The following XKR9 variants were observed in gnomAD, a reference collection of about 807,000 sequenced individuals.
XKR9 encodes the protein XK-related protein 9.
In XKR9, 32 loss-of-function variants were observed where a neutral mutation model predicts 32.0. The ratio of observed to expected loss-of-function variants is 1.00; its 90% confidence interval spans 0.76 to 1.34. The LOEUF is 1.34. XKR9 is among the 40% of genes most tolerant of loss of function. XKR9 has a pLI of 0.00. For synonymous variants in XKR9, 168 were observed against 143.4 expected, an observed-to-expected ratio of 1.17 and a Z score of -1.22; for missense variants, 546 against 429.7, an observed-to-expected ratio of 1.27 and a Z score of -2.39.
At chr8:70,784,018 A>C (rs1261566659) in intron 2 of XKR9, among the ~76,000 whole-genome samples, 1 of 152,110 alleles carries the variant, frequency 6.6e-6, no homozygotes, top group Non-Finnish European at 1.5e-5. Context: ...CCATATATAC[A>C]TGAGTTTATT....
the XKR9 span, among the ~76,000 whole-genome samples, chr8:70,955,871 C>T: frequency 6.6e-6 from 1 of 152,360 alleles, no homozygotes; most frequent in African/African-American, 2.4e-5. Context: ...CAGGCACCAG[C>T]TCCATGCAAA....
At chr8:70,761,590 G>A (rs1398605691) in intron 2 of XKR9, among the ~76,000 whole-genome samples, 2 of 151,824 alleles carry the variant, frequency 1.3e-5, no homozygotes, top group Non-Finnish European at 2.9e-5. Context: ...TATAGATGCT[G>A]GATATTAGAC....
chr8:70,880,922 T>G, the XKR9 span, among the ~76,000 whole-genome samples: 3 of 152,072 alleles, frequency 2.0e-5, no homozygotes, highest in African/African-American at 7.2e-5. Flanking sequence ...CCAAAACAGA[T>G]ATATTTTCAA....
the XKR9 span, among the ~76,000 whole-genome samples, chr8:70,979,245 G>A: frequency 8.5e-5 from 13 of 152,128 alleles, no homozygotes; most frequent in Admixed American, 2.0e-4. Flanking sequence ...CTGTCAACTC[G>A]TCAAAATCAT....
At chr8:70,812,336 G>T in the XKR9 span, among the ~76,000 whole-genome samples, 4 of 152,250 alleles carry the variant, frequency 2.6e-5, no homozygotes, top group South Asian at 2.1e-4. Context: ...GCCAATATCA[G>T]ACTGAATGGG....
chr8:71,017,067 T>C, the XKR9 span, among the ~76,000 whole-genome samples: 1 of 152,194 alleles, frequency 6.6e-6, no homozygotes, highest in African/African-American at 2.4e-5. Context: ...TTTGTTAGAA[T>C]AGCTCAACTC....
the XKR9 span, among the ~76,000 whole-genome samples, chr8:71,018,511 G>A: frequency 5.3e-5 from 8 of 152,314 alleles, no homozygotes; most frequent in East Asian, 1.5e-3. Context: ...GAAAAGTGGA[G>A]TAACCCAGGT....
chr8:70,717,801 C>CT (rs767625274), intron 4 of XKR9, among the ~76,000 whole-genome samples: 15 of 152,060 alleles, frequency 9.9e-5, no homozygotes, highest in Non-Finnish European at 2.1e-4. Flanking sequence ...ATGAATTTTT[C>CT]TTTTTTTACA....
intron 2 of XKR9, among the ~76,000 whole-genome samples, chr8:70,769,482 C>G (rs1369596066): frequency 1.3e-5 from 2 of 151,974 alleles, no homozygotes; most frequent in Non-Finnish European, 2.9e-5. Flanking sequence ...GAATGTTGGC[C>G]TGGCTTGCTA....
the XKR9 span, among the ~76,000 whole-genome samples, chr8:71,041,076 C>G: frequency 0.067 from 10,126 of 152,158 alleles, 473 homozygotes; most frequent in Non-Finnish European, 0.094. Flanking sequence ...ATGACTTGCT[C>G]ACATGGTGGT....
the XKR9 span, among the ~76,000 whole-genome samples, chr8:70,847,049 A>T: frequency 6.6e-6 from 1 of 152,060 alleles, no homozygotes; most frequent in African/African-American, 2.4e-5. Flanking sequence ...CATTCTTCTC[A>T]TCAACACATA....
chr8:71,034,887 A>G, the XKR9 span, among the ~76,000 whole-genome samples: 2 of 152,186 alleles, frequency 1.3e-5, no homozygotes, highest in African/African-American at 4.8e-5. Flanking sequence ...TGGAATATCT[A>G]TCTTTCCAAC....
intron 2 of XKR9, among the ~76,000 whole-genome samples, chr8:70,759,638 A>G (rs1000029795): frequency 7.2e-5 from 11 of 152,192 alleles, no homozygotes; most frequent in African/African-American, 2.6e-4. Context: ...TGTTTTGACT[A>G]TTGTCATTGT....
chr8:70,899,938 C>T, the XKR9 span, among the ~76,000 whole-genome samples: 7 of 152,018 alleles, frequency 4.6e-5, 1 homozygote, highest in Admixed American at 2.0e-4. Flanking sequence ...GCATTTCTAG[C>T]TACAGAATAA....
the XKR9 span, among the ~76,000 whole-genome samples, chr8:70,952,107 A>G: frequency 1.7e-5 from 1 of 59,198 alleles, no homozygotes; most frequent in Non-Finnish European, 6.3e-5. Flanking sequence ...TTATAAAATG[A>G]AAAAAAAAGG....
the XKR9 span, among the ~76,000 whole-genome samples, chr8:71,024,588 T>C: frequency 6.6e-6 from 1 of 152,166 alleles, no homozygotes; most frequent in Non-Finnish European, 1.5e-5. Context: ...TCTGAAGCAA[T>C]ACCATTATGC....
At chr8:70,790,982 C>T (rs1807756615), downstream of XKR9, among the ~76,000 whole-genome samples, 1 of 152,018 alleles carries the variant, frequency 6.6e-6, no homozygotes, top group African/African-American at 2.4e-5. Context: ...GCACTAATCC[C>T]ATTCACGTGG....
chr8:70,700,974 G>C (rs192772858), intron 3 of XKR9, among the ~76,000 whole-genome samples: 1 of 152,190 alleles, frequency 6.6e-6, no homozygotes, highest in African/African-American at 2.4e-5. Context: ...TCCGTGGGGC[G>C]TAGGACCCTC....
At chr8:71,013,826 A>C in the XKR9 span, among the ~76,000 whole-genome samples, 3 of 152,262 alleles carry the variant, frequency 2.0e-5, no homozygotes, top group Admixed American at 1.3e-4. Context: ...TGTGCTCTCC[A>C]AACCCAGTCA....
Sources: allele counts gnomAD v4.1 joint callset (sites outside exome capture counted in the v4.1 genomes callset), GRCh38; gene constraint gnomAD v4.1.1; transcripts MANE v1.5; gene names NCBI Gene and HGNC (gene_info 2026-07-23, HGNC 2026-07-21).